The following ZFAND3 variants were observed in gnomAD, a reference collection of about 807,000 sequenced individuals.
ZFAND3 encodes zinc finger AN1-type containing 3.
Under a neutral mutation model 29.6 loss-of-function variants are expected in ZFAND3, and 10 were observed. That is an observed-to-expected ratio of 0.34 (90% CI 0.21 to 0.57). The LOEUF is 0.57. Among genes scored for constraint, ZFAND3 ranks in the 20% least tolerant of loss-of-function variants. The probability of loss-of-function intolerance (pLI) is 0.86; values close to 1 mark genes in which losing one functional copy is unlikely to be tolerated. For synonymous variants in ZFAND3, 128 were observed against 112.6 expected, an observed-to-expected ratio of 1.14 and a Z score of -0.87; for missense variants, 230 against 304.5, an observed-to-expected ratio of 0.76 and a Z score of 1.82.
At chr6:38,047,320 A>AC (rs1196861244) in intron 2 of ZFAND3, among the ~76,000 whole-genome samples, 7 of 150,602 alleles carry the variant, frequency 4.6e-5, no homozygotes, top group Non-Finnish European at 1.0e-4. Context: ...GTCTCAAAAA[A>AC]AAAAAAAAGA....
chr6:37,991,553 A>G (rs1320486863), intron 2 of ZFAND3, among the ~76,000 whole-genome samples: 1 of 152,072 alleles, frequency 6.6e-6, no homozygotes, highest in Non-Finnish European at 1.5e-5. Flanking sequence ...GGGTTTTACC[A>G]TGTTGGCCAG....
chr6:37,990,913 T>A (rs1762747978), intron 2 of ZFAND3, among the ~76,000 whole-genome samples: 1 of 152,192 alleles, frequency 6.6e-6, no homozygotes, highest in Admixed American at 6.5e-5. Context: ...TAAGCTTGTT[T>A]TAGTTAATGC....
chr6:37,908,542 T>TAAAAAAAAAAAAAAAAAAAAAAAAAA (rs70981504), intron 1 of ZFAND3, among the ~76,000 whole-genome samples: 11 of 124,124 alleles, frequency 8.9e-5, no homozygotes, highest in Non-Finnish European at 1.7e-4. Context: ...AAAAAAAAAT[T>TAAAAAAAAAAAAAAAAAAAAAAAAAA]AAAAAAAAAA....
chr6:38,055,748 A>G (rs1156671795), intron 2 of ZFAND3, among the ~76,000 whole-genome samples: 3 of 152,236 alleles, frequency 2.0e-5, no homozygotes, highest in Admixed American at 1.3e-4. Context: ...AGAAATTCAC[A>G]GGTATTAAGC....
At chr6:38,125,101 A>T (rs1765610660) in intron 5 of ZFAND3, among the ~76,000 whole-genome samples, 1 of 152,220 alleles carries the variant, frequency 6.6e-6, no homozygotes, top group Non-Finnish European at 1.5e-5. Context: ...TGTGAGAGCT[A>T]AGGGTAACTA....
intron 1 of ZFAND3, among the ~76,000 whole-genome samples, chr6:37,897,430 T>C (rs1765239913): frequency 6.6e-6 from 1 of 152,218 alleles, no homozygotes; most frequent in Non-Finnish European, 1.5e-5. Flanking sequence ...TGGGTAGACA[T>C]TGGCTTATCT....
intron 1 of ZFAND3, among the ~76,000 whole-genome samples, chr6:37,897,752 A>G (rs1765245523): frequency 6.6e-6 from 1 of 152,012 alleles, no homozygotes; most frequent in Admixed American, 6.6e-5. Context: ...ACTGTTTTCC[A>G]TTTTTTTATT....
At chr6:37,916,578 T>G (rs1017847281) in intron 1 of ZFAND3, among the ~76,000 whole-genome samples, 2 of 152,188 alleles carry the variant, frequency 1.3e-5, no homozygotes, top group African/African-American at 4.8e-5. Context: ...GAGAATTGCT[T>G]GAACCCTGGA....
In ZFAND3 at chr6:37,819,879, C is replaced by T; in HGVS notation, c.-67C>T. On this transcript the variant is annotated 5_prime_UTR_variant, in exon 1 of 6. Transcript: ENST00000287218. Reference sequence around the variant, plus strand: ...CCCGACGCCGCCGCCACCGCCTCCTCAGAGCGGGGCCCGGGCCCAGCCGCC... The same window carrying T: ...CCCGACGCCGCCGCCACCGCCTCCTTAGAGCGGGGCCCGGGCCCAGCCGCC... 8.9e-7 allele frequency: 1 copy of T among 1,122,366 alleles called. No individual in the cohort carries two copies. Among genetic ancestry groups the T allele is most frequent in the East Asian group, 4.1e-5 (1 of 24,264 alleles). 69.5% of individuals were successfully genotyped at this position (1,122,366 alleles called of 1,614,324 possible). A position where few individuals can be genotyped will look rare whatever the true frequency, so the allele number is the denominator to read the frequency against.
At chr6:38,019,618 A>C (rs903157646) in intron 2 of ZFAND3, among the ~76,000 whole-genome samples, 1 of 152,174 alleles carries the variant, frequency 6.6e-6, no homozygotes, top group Non-Finnish European at 1.5e-5. Flanking sequence ...GTCCCTTAGA[A>C]AAATTTATGT....
intron 4 of ZFAND3, among the ~76,000 whole-genome samples, chr6:38,104,794 C>A (rs1371731778): frequency 6.6e-6 from 1 of 152,116 alleles, no homozygotes; most frequent in African/African-American, 2.4e-5. Flanking sequence ...TGTTTTCATT[C>A]CTATATTTGC....
intron 4 of ZFAND3, among the ~76,000 whole-genome samples, chr6:38,092,731 T>G (rs1207254920): frequency 1.3e-5 from 2 of 152,174 alleles, no homozygotes; most frequent in Non-Finnish European, 1.5e-5. Flanking sequence ...CAACTTCGAG[T>G]GCTCAACTTC....
chr6:38,095,663 G>A (rs1186343171), intron 4 of ZFAND3, among the ~76,000 whole-genome samples: 1 of 152,134 alleles, frequency 6.6e-6, no homozygotes, highest in African/African-American at 2.4e-5. Context: ...AGCAGTGTTA[G>A]AGTTCCTGCA....
chr6:38,000,272 TC>T (rs1762923106), intron 2 of ZFAND3, among the ~76,000 whole-genome samples: 1 of 152,200 alleles, frequency 6.6e-6, no homozygotes, highest in South Asian at 2.1e-4. Flanking sequence ...TAAATTCTTC[TC>T]ATCTAATTCT....
chr6:38,031,172 G>A (rs193037189), intron 2 of ZFAND3, among the ~76,000 whole-genome samples: 1 of 152,156 alleles, frequency 6.6e-6, no homozygotes, highest in Admixed American at 6.5e-5. Context: ...TTTCTTCTCC[G>A]TTCTTGGTGC....
At chr6:38,050,160 G>A (rs940601024) in intron 2 of ZFAND3, among the ~76,000 whole-genome samples, 1 of 151,706 alleles carries the variant, frequency 6.6e-6, no homozygotes, top group African/African-American at 2.4e-5. Flanking sequence ...TCACCGTGTT[G>A]CCCAGGCTGG....
rs1561976792 is a variant in ZFAND3 at position 38,041,685 on chromosome 6, C to CT, written c.113-19907dup. Among the ~76,000 whole-genome samples the CT allele has an allele frequency of 3.3e-3, 69 of 20,788 alleles. 6 individuals carry two copies. Among genetic ancestry groups the CT allele is most frequent in the Middle Eastern group, 0.017 (1 of 60 alleles). 13.6% of individuals were successfully genotyped at this position (20,788 alleles called of 152,430 possible). On this transcript the variant is annotated intron_variant, in intron 2 of 5. Coordinates refer to ENST00000287218, the MANE Select transcript of ZFAND3 (RefSeq NM_021943.3). Reference sequence around the variant, plus strand: ...TCTTCTTCTTCTTCTTCTTCTTCTTCTCCTTCTCCTTCTCCTCCTCCTCCT... The same window carrying CT: ...TCTTCTTCTTCTTCTTCTTCTTCTTCTTCCTTCTCCTTCTCCTCCTCCTCCT...
chr6:37,995,429 T>C (rs1762833514), intron 2 of ZFAND3, among the ~76,000 whole-genome samples: 1 of 152,202 alleles, frequency 6.6e-6, no homozygotes, highest in Non-Finnish European at 1.5e-5. Flanking sequence ...CACGTAGTTT[T>C]TGGGTTTCTA....
At position 37,914,642 on chromosome 6, in the gene ZFAND3, T is replaced by TTTTC. The variant is rs143078312; in HGVS notation, c.72-15297_72-15294dup. Reference sequence around the variant, plus strand: ...GGATCACAGGTGTGACCCATAATTATTTTCTTTCTTTCTTTCTTTCTTTTT... The same window carrying TTTTC: ...GGATCACAGGTGTGACCCATAATTATTTTCTTTCTTTCTTTCTTTCTTTCTTTTT... On this transcript the variant is annotated intron_variant, in intron 1 of 5. Transcript: ENST00000287218. Among the ~76,000 whole-genome samples the TTTTC allele has an allele frequency of 1.5e-3, 215 of 143,386 alleles. 2 individuals are homozygous for TTTTC. The highest frequency in any genetic ancestry group is 3.6e-3 in the South Asian group (16 of 4,502). 94.1% of individuals were successfully genotyped at this position (143,386 alleles called of 152,430 possible). A position where few individuals can be genotyped will look rare whatever the true frequency, so the allele number is the denominator to read the frequency against.
Sources: gnomAD v4.1 joint callset for allele counts (sites outside exome capture counted in the v4.1 genomes callset) on GRCh38, gnomAD v4.1.1 for gene constraint, MANE v1.5 for transcripts, NCBI Gene and HGNC (gene_info 2026-07-23, HGNC 2026-07-21) for gene names.